NRXN2: variants seen among roughly 807,000 people sequenced by gnomAD.
NRXN2 encodes the protein neurexin 2, also known as neurexin-2-beta.
NRXN2 carries 29 observed loss-of-function variants against 128.8 expected under a neutral mutation model. That is an observed-to-expected ratio of 0.23 (90% CI 0.17 to 0.31). The LOEUF is 0.31. Among genes scored for constraint, NRXN2 ranks in the 10% least tolerant of loss-of-function variants. NRXN2 has a pLI of 1.00. For synonymous variants in NRXN2, 1,098 were observed against 1,075.2 expected (o/e 1.02, Z -0.41); for missense variants, 1,881 against 2,452.6 (o/e 0.77, Z 4.92).
intron 17 of NRXN2, among the ~76,000 whole-genome samples, chr11:64,647,069 G>A (rs1332852290): frequency 6.6e-6 from 1 of 152,172 alleles, no homozygotes; most frequent in Non-Finnish European, 1.5e-5. Flanking sequence ...CTCATGCCCA[G>A]GTGATGAAGG....
In NRXN2 at chr11:64,607,333, AGGAG is replaced by A; in HGVS notation, c.4998_5001del (p.Ser1667ThrfsTer21). 1 of 1,613,984 alleles carries A rather than the reference AGGAG, an allele frequency of 6.2e-7. No homozygotes were observed. The highest frequency in any genetic ancestry group is 8.5e-7 in the Non-Finnish European group (1 of 1,179,966). On this transcript the variant is annotated frameshift_variant, in exon 23 of 23. Coordinates refer to ENST00000265459, the MANE Select transcript of NRXN2 (RefSeq NM_015080.4). LOFTEE classifies it high-confidence loss of function. ...TAGTTTCGGCTCTGGTCCACCTGGTAGGAGCCCTCATCACGATTGCGGTACTTAT... is the reference window on the plus strand; with the variant it reads ...TAGTTTCGGCTCTGGTCCACCTGGTACCCTCATCACGATTGCGGTACTTAT...
intron 7 of NRXN2, among the ~76,000 whole-genome samples, chr11:64,670,429 GGAA>G (rs2050480618): frequency 6.6e-6 from 1 of 152,158 alleles, no homozygotes. Flanking sequence ...CTGGAGAAAG[GGAA>G]GAAGGAACTG....
intron 22 of NRXN2, among the ~76,000 whole-genome samples, chr11:64,611,135 G>A (rs955674445): frequency 1.3e-5 from 2 of 152,172 alleles, no homozygotes; most frequent in Non-Finnish European, 2.9e-5. Context: ...ATTGGGGCTC[G>A]TTATGCTTTT....
intron 2 of NRXN2, among the ~76,000 whole-genome samples, chr11:64,702,931 G>A (rs973273122): frequency 2.9e-5 from 4 of 137,800 alleles, no homozygotes; most frequent in African/African-American, 1.1e-4. Context: ...TGAGGTTACA[G>A]TGAGCTATGA....
chr11:64,672,934 T>C (rs1423158642), intron 7 of NRXN2, among the ~76,000 whole-genome samples: 1 of 152,218 alleles, frequency 6.6e-6, no homozygotes, highest in Non-Finnish European at 1.5e-5. Context: ...TCAGAAATCC[T>C]GGGCTCTCAT....
intron 11 of NRXN2, among the ~76,000 whole-genome samples, chr11:64,657,185 G>C (rs529483203): frequency 6.6e-6 from 1 of 152,178 alleles, no homozygotes; most frequent in African/African-American, 2.4e-5. Context: ...TGTTGCTGCC[G>C]GTCTGTGAGG....
intron 7 of NRXN2, chr11:64,676,753 G>A: frequency 1.7e-6 from 1 of 592,016 alleles, no homozygotes; most frequent in Non-Finnish European, 3.0e-6. Flanking sequence ...GCAGGGACAA[G>A]CCAAATTCCT....
intron 17 of NRXN2, chr11:64,642,481 G>T: frequency 1.3e-6 from 2 of 1,550,674 alleles, no homozygotes; most frequent in African/African-American, 1.4e-5. Context: ...CTGCGCACAC[G>T]GGAAGCGCCC....
chr11:64,715,932 C>A (rs1592320375), intron 1 of NRXN2, among the ~76,000 whole-genome samples: 2 of 152,200 alleles, frequency 1.3e-5, no homozygotes, highest in African/African-American at 4.8e-5. Flanking sequence ...CCCTCACCCC[C>A]CCACACACAA....
chr11:64,672,144 A>C (rs914562091), intron 7 of NRXN2, among the ~76,000 whole-genome samples: 1 of 152,196 alleles, frequency 6.6e-6, no homozygotes, highest in Non-Finnish European at 1.5e-5. Flanking sequence ...CCCACTGCCC[A>C]GCCCCCACTG....
chr11:64,639,541 G>A (rs2045337029), intron 17 of NRXN2, among the ~76,000 whole-genome samples: 1 of 152,072 alleles, frequency 6.6e-6, no homozygotes, highest in South Asian at 2.1e-4. Flanking sequence ...ACCAGAATTG[G>A]GGATCCAGGA....
At chr11:64,618,558 A>G (rs2135308050) in intron 22 of NRXN2, among the ~76,000 whole-genome samples, 1 of 152,356 alleles carries the variant, frequency 6.6e-6, no homozygotes, top group African/African-American at 2.4e-5. Flanking sequence ...TGTTGGCCAC[A>G]GGAGCCACCA....
intron 17 of NRXN2, among the ~76,000 whole-genome samples, chr11:64,638,843 T>C (rs1213941061): frequency 1.3e-5 from 2 of 152,286 alleles, no homozygotes; most frequent in Admixed American, 6.5e-5. Context: ...ATGTCCAATA[T>C]AGTCTCCTCA....
intron 22 of NRXN2, among the ~76,000 whole-genome samples, chr11:64,619,764 G>A (rs1277222660): frequency 6.6e-6 from 1 of 152,156 alleles, no homozygotes; most frequent in African/African-American, 2.4e-5. Context: ...CCTTGGCCTG[G>A]CAGTCCTGGC....
chr11:64,608,246 T>A (rs1329338874), intron 22 of NRXN2, among the ~76,000 whole-genome samples, 164 bp from the exon 23 acceptor site: 1 of 152,192 alleles, frequency 6.6e-6, no homozygotes, highest in Non-Finnish European at 1.5e-5. Context: ...GGCCGAGCAC[T>A]GCGCTTTAAG....
chr11:64,629,961 G>C (rs2043630975), intron 19 of NRXN2, among the ~76,000 whole-genome samples: 1 of 152,120 alleles, frequency 6.6e-6, no homozygotes, highest in Non-Finnish European at 1.5e-5. Context: ...CGTGGTAACA[G>C]CCCTGTCTCC....
At chr11:64,671,558 C>T (rs562338435) in intron 7 of NRXN2, among the ~76,000 whole-genome samples, 4 of 152,090 alleles carry the variant, frequency 2.6e-5, no homozygotes, top group African/African-American at 7.2e-5. Context: ...GGGAGGGGGC[C>T]GTGCGACACA....
Position 64,660,321 on chromosome 11 carries a change from AG to A in NRXN2, c.2389+10del. The A allele has an allele frequency of 6.2e-7, 1 of 1,612,704 alleles. No individual in the cohort carries two copies. Among genetic ancestry groups the A allele is most frequent in the Non-Finnish European group, 8.5e-7 (1 of 1,179,732 alleles). ...GGTGAGGGGTCAGGAAGCACAGGGC[AG>A]GGTGGTTACCGAGGTTGACAGTGAG... On this transcript the variant is annotated intron_variant, in intron 11 of 22. Coordinates refer to ENST00000265459, the MANE Select transcript of NRXN2 (RefSeq NM_015080.4). This position sits in a 1 kb window ranked among gnomAD's most constrained non-coding sequence, Gnocchi z 5.2.
intron 3 of NRXN2, among the ~76,000 whole-genome samples, chr11:64,693,268 G>A (rs2054079294): frequency 6.6e-6 from 1 of 151,408 alleles, no homozygotes; most frequent in East Asian, 1.9e-4. Flanking sequence ...AGGAAAAGGA[G>A]GAGAAGCATT....
Sources: gnomAD v4.1 joint callset for allele counts (sites outside exome capture counted in the v4.1 genomes callset) on GRCh38, gnomAD v4.1.1 for gene constraint, Gnocchi (gnomAD v3.1) non-coding constraint, MANE v1.5 for transcripts, NCBI Gene and HGNC (gene_info 2026-07-23, HGNC 2026-07-21) for gene names.